TEX15: variants seen among roughly 807,000 people sequenced by gnomAD.
The protein encoded by TEX15 is testis expressed 15, meiosis and synapsis associated.
A neutral mutation model predicts 237.3 loss-of-function variants in TEX15; 171 were observed. The ratio of observed to expected loss-of-function variants is 0.72; its 90% CI spans 0.64 to 0.82. TEX15 has a LOEUF of 0.82. Ranked by LOEUF, TEX15 falls within the 40% of genes least tolerant of loss-of-function variation. The pLI, the probability that TEX15 is intolerant of heterozygous loss-of-function variation, is 0.00. For synonymous variants in TEX15, 1,338 were observed against 1,269.8 expected (o/e 1.05, Z -1.14); for missense variants, 3,750 against 3,646.5 (o/e 1.03, Z -0.73).
chr8:30,845,731 T>A lies in TEX15; in HGVS notation c.4436A>T (p.Lys1479Ile). Residue 1479 changes from lysine (K) to isoleucine (I), a missense_variant, in exon 8 of 11, where the codon AAA becomes ATA. Physicochemically the swap from Lys to Ile is moderately radical, Grantham distance 102 (BLOSUM62 -3). Transcript: ENST00000643185. ...AAGGCATTTTTTCTCTCCACTTGTT[T>A]TATAAGACTTGTGCTTTGACACATG... is the stretch of plus-strand genomic sequence containing the variant. Reference protein sequence around the residue: ...LTHVSKHKSYKTSGEKKCLSR... With the variant: ...LTHVSKHKSYITSGEKKCLSR... 1 of 1,613,686 alleles carries A rather than the reference T, an allele frequency of 6.2e-7. No homozygotes were observed. The highest frequency in any genetic ancestry group is 8.5e-7 in the Non-Finnish European group (1 of 1,179,646).
At chr8:30,866,616 T>A (rs182342103) in intron 5 of TEX15, among the ~76,000 whole-genome samples, 26 of 152,222 alleles carry the variant, frequency 1.7e-4, no homozygotes, top group African/African-American at 5.3e-4. Context: ...CTAACTGCAA[T>A]GGATACTTCT....
Position 30,841,977 on chromosome 8 carries a change from A to G in TEX15, c.8163+27T>C. 5 of 1,466,400 alleles carry G rather than the reference A, an allele frequency of 3.4e-6. No individual in the cohort carries two copies. The South Asian group carries it at 7.2e-5, about 21-fold the overall frequency. The allele number at this position is 1,466,400 out of a possible 1,614,324, so 90.8% of individuals were successfully genotyped here. ...ACTTGTTTTCAAAAAGAATACTTAT[A>G]AAAGTTTTGTTTTAAAACATACATA... On this transcript the variant is annotated intron_variant, in intron 8 of 10. Transcript: ENST00000643185.
At chr8:30,858,025 T>C (rs1447461466) in intron 7 of TEX15, among the ~76,000 whole-genome samples, 2 of 152,040 alleles carry the variant, frequency 1.3e-5, no homozygotes, top group South Asian at 2.1e-4. Flanking sequence ...ACATATGCCA[T>C]GAGACACTTT....
chr8:30,864,864 GGTGT>G (rs1413193103), intron 5 of TEX15, among the ~76,000 whole-genome samples: 1 of 151,830 alleles, frequency 6.6e-6, no homozygotes, highest in Non-Finnish European at 1.5e-5. Flanking sequence ...AAAGAAAATT[GGTGT>G]GTATAGGTTT....
At position 30,837,549 on chromosome 8, in the gene TEX15, T is replaced by C. The variant is rs746066585; in HGVS notation, c.8735A>G (p.Asn2912Ser). 16 of 1,613,912 alleles carry C rather than the reference T, an allele frequency of 9.9e-6. No individual in the cohort carries two copies. In the Admixed American group the frequency reaches 2.5e-4, roughly 25 times the overall value. Reference sequence around the variant, plus strand: ...ATCTTGAAGTTCAAAGACTGTGTCATTCATTTCTAGATCAGGATGGACATC... The same window carrying C: ...ATCTTGAAGTTCAAAGACTGTGTCACTCATTTCTAGATCAGGATGGACATC... ...VKDVHPDLEMNDTVFELQDND... is the reference protein window; with the variant it reads ...VKDVHPDLEMSDTVFELQDND... The change falls in exon 10 of 11, where the codon AAT becomes AGT. Residue 2912 changes from asparagine to serine, a missense_variant. Transcript: ENST00000643185.
At chr8:30,880,497 C>T (rs1808497182) in intron 3 of TEX15, among the ~76,000 whole-genome samples, 1 of 152,138 alleles carries the variant, frequency 6.6e-6, no homozygotes, top group African/African-American at 2.4e-5. Flanking sequence ...CATGACCAAC[C>T]CCTCCTCTTC....
In TEX15 at chr8:30,842,806, G is replaced by C; in HGVS notation, c.7361C>G (p.Thr2454Arg). 6.2e-7 allele frequency: 1 copy of C among 1,613,252 alleles called. No individual in the cohort carries two copies. The highest frequency in any genetic ancestry group is 8.5e-7 in the Non-Finnish European group (1 of 1,179,532). ...TATTGAGTTTTTAAGAAAGTGAATT[G>C]TTTCTGAGACCATGACGATTTCAAT... is the stretch of plus-strand genomic sequence containing the variant. ...MYIEIVMVSE[T>R]IHFLKNSIAK... The change falls in exon 8 of 11, where the codon ACA becomes AGA. Residue 2454 changes from threonine to arginine, a missense_variant. Thr to Arg is a moderately conservative substitution (Grantham distance 71). Transcript: ENST00000643185.
At chr8:30,859,704 T>C (rs1018167474) in intron 6 of TEX15, among the ~76,000 whole-genome samples, 2 of 152,212 alleles carry the variant, frequency 1.3e-5, no homozygotes, top group South Asian at 4.1e-4. Flanking sequence ...AAGAAGCCAC[T>C]GTACTTTGAA....
chr8:30,912,239 G>T (rs1329107402), intron 1 of TEX15, among the ~76,000 whole-genome samples: 1 of 151,550 alleles, frequency 6.6e-6, no homozygotes, highest in Non-Finnish European at 1.5e-5. Context: ...TGAGGCGCGC[G>T]GACTGCCAGT....
In TEX15 at chr8:30,844,466, T is replaced by G. The variant is rs773873609; in HGVS notation, c.5701A>C (p.Thr1901Pro). The G allele has an allele frequency of 6.2e-7, 1 of 1,613,272 alleles. No homozygotes were observed. The highest frequency in any genetic ancestry group is 2.2e-5 in the East Asian group (1 of 44,862). The change falls in exon 8 of 11, where the codon ACT becomes CCT. Residue 1901 changes from threonine to proline, a missense_variant. Thr to Pro is a conservative substitution (Grantham distance 38). Transcript: ENST00000643185. ...TTNLIDSHLS[T>P]KNTTTESVPL... ...ACTGACTCAGTGGTAGTATTTTTAG[T>G]GCTCAGATGGGAATCAATCAAGTTA...
chr8:30,867,416 T>G lies in TEX15; in HGVS notation c.389A>C (p.Gln130Pro), dbSNP rs1478156020. 8.5e-6 allele frequency: 13 copies of G among 1,534,328 alleles called. No homozygotes were observed. The East Asian group carries it at 9.8e-5, about 12-fold the overall frequency. ...FLALPQSDVA[Q>P]IYQNGISTRA... is the part of the protein sequence containing the mutation. ...GGTACTTATTCCATTCTGATATATC[T>G]GGGCTACATCACTCTGGGGAAGTGC... is the stretch of plus-strand genomic sequence containing the variant. The change falls in exon 5 of 11, where the codon CAG becomes CCG. Residue 130 changes from glutamine (Q) to proline (P), a missense_variant. By Grantham distance (76) the Gln-to-Pro change is moderately conservative. Transcript: ENST00000643185.
intron 6 of TEX15, among the ~76,000 whole-genome samples, chr8:30,859,606 G>C (rs1163307066): frequency 1.3e-5 from 2 of 152,076 alleles, no homozygotes; most frequent in Non-Finnish European, 2.9e-5. Context: ...TTATTATTAA[G>C]TATGGTCACC....
chr8:30,846,215 A>C lies in TEX15; in HGVS notation c.3952T>G (p.Leu1318Val). ...SRDQNIPHKD[L>V]RRHKIYGRKR... is the part of the protein sequence containing the mutation. ...CTCCCATAAATTTTATGTCGTCTTA[A>C]ATCTTTATGTGGTATGTTCTGATCC... is the stretch of plus-strand genomic sequence containing the variant. The change falls in exon 8 of 11, where the codon TTA becomes GTA. Residue 1318 changes from leucine to valine, a missense_variant. Physicochemically the swap from Leu to Val is conservative, Grantham distance 32. Transcript: ENST00000643185. 6.2e-7 allele frequency: 1 copy of C among 1,613,418 alleles called. No homozygotes were observed. Among genetic ancestry groups the C allele is most frequent in the African/African-American group, 1.3e-5 (1 of 74,990 alleles).
At chr8:30,876,418 G>A (rs1049287834) in intron 3 of TEX15, among the ~76,000 whole-genome samples, 3 of 151,972 alleles carry the variant, frequency 2.0e-5, no homozygotes, top group Non-Finnish European at 2.9e-5. Context: ...AAGTTCTTCC[G>A]GCTTTTAGCT....
chr8:30,858,572 A>T, intron 7 of TEX15, 96 bp downstream of exon 7: 1 of 1,090,970 alleles, frequency 9.2e-7, no homozygotes, highest in Non-Finnish European at 1.3e-6. Flanking sequence ...TGCTAGGATT[A>T]CAGGTGTGAA....
intron 10 of TEX15, among the ~76,000 whole-genome samples, chr8:30,834,690 T>C (rs544619566): frequency 1.6e-3 from 243 of 152,288 alleles, no homozygotes; most frequent in Non-Finnish European, 2.5e-3. Flanking sequence ...ATTAAGTTGT[T>C]CAACGTGGCT....
At position 30,843,678 on chromosome 8, in the gene TEX15, G is replaced by A. The variant is rs754120685; in HGVS notation, c.6489C>T (p.Tyr2163=). The change falls in exon 8 of 11, where the codon TAC becomes TAT. Residue 2163 remains tyrosine (Y), a synonymous_variant. Coordinates refer to ENST00000643185, the MANE Select transcript of TEX15 (RefSeq NM_001350162.2). Reference sequence around the variant, plus strand: ...GTCGTTTGTACTTTAAGAATACATAGTATGAATTCTTTTCCCTTTTTGTTT... The same window carrying A: ...GTCGTTTGTACTTTAAGAATACATAATATGAATTCTTTTCCCTTTTTGTTT... The part of the protein sequence containing the change: ...LEETKREKNS[Y]YVFLKYKRQV... 1.2e-6 allele frequency: 2 copies of A among 1,607,756 alleles called. No individual in the cohort carries two copies. The highest frequency in any genetic ancestry group is 8.5e-7 in the Non-Finnish European group (1 of 1,175,368).
At position 30,845,474 on chromosome 8, in the gene TEX15, C is replaced by T. The variant is rs754389748; in HGVS notation, c.4693G>A (p.Glu1565Lys). ...AYLFSPDHSD[E>K]KLIEKENQID... ...TGATTTTCTTTTTCTATTAGTTTCT[C>T]ATCTGAGTGGTCTGGGGAAAACAGA... The change falls in exon 8 of 11, where the codon GAG becomes AAG. Residue 1565 changes from glutamate (E) to lysine (K), a missense_variant. Transcript: ENST00000643185. 2 of 1,613,346 alleles carry T rather than the reference C, an allele frequency of 1.2e-6. No homozygotes were observed. The highest frequency in any genetic ancestry group is 3.3e-5 in the Admixed American group (2 of 59,944).
chr8:30,905,831 A>C (rs535615616), intron 1 of TEX15, among the ~76,000 whole-genome samples: 1 of 151,646 alleles, frequency 6.6e-6, no homozygotes, highest in East Asian at 1.9e-4. Flanking sequence ...TTGAGCTCAG[A>C]AGGTGGCTGT....
Sources: gnomAD v4.1 joint callset for allele counts (sites outside exome capture counted in the v4.1 genomes callset) on GRCh38, gnomAD v4.1.1 for gene constraint, MANE v1.5 for transcripts, NCBI Gene and HGNC (gene_info 2026-07-23, HGNC 2026-07-21) for gene names.